CHRM3: variants seen among roughly 807,000 people sequenced by gnomAD.
CHRM3 encodes the protein cholinergic receptor muscarinic 3.
In CHRM3, 11 loss-of-function variants were observed where a neutral mutation model predicts 41.8. That is an observed-to-expected ratio of 0.26 (90% confidence interval 0.17 to 0.44). The LOEUF (loss-of-function observed/expected upper bound fraction) is 0.44, where lower values mean the gene tolerates loss of function less well. Ranked by LOEUF, CHRM3 falls within the 20% of genes least tolerant of loss-of-function variation. CHRM3 has a pLI of 1.00. For synonymous variants in CHRM3, 297 were observed against 301.4 expected (o/e 0.99, Z 0.15); for missense variants, 571 against 745.4 (o/e 0.77, Z 2.72).
intron 4 of CHRM3, among the ~76,000 whole-genome samples, chr1:239,664,617 C>T (rs1558433208): frequency 6.6e-6 from 1 of 152,148 alleles, no homozygotes; most frequent in African/African-American, 2.4e-5. Context: ...TGTGAGTCCC[C>T]TGCGGCCATA....
chr1:239,392,530 G>A (rs1445871464), intron 1 of CHRM3, among the ~76,000 whole-genome samples: 1 of 152,122 alleles, frequency 6.6e-6, no homozygotes, highest in Non-Finnish European at 1.5e-5. Flanking sequence ...CCTGGTTCAG[G>A]CAGGATATCC....
At chr1:239,594,418 C>T (rs1257394274) in intron 3 of CHRM3, among the ~76,000 whole-genome samples, 1 of 152,158 alleles carries the variant, frequency 6.6e-6, no homozygotes, top group East Asian at 1.9e-4. Flanking sequence ...TGTATCCATA[C>T]GACAATATCA....
chr1:239,506,068 C>T (rs1459447753), intron 2 of CHRM3, among the ~76,000 whole-genome samples: 2 of 152,020 alleles, frequency 1.3e-5, no homozygotes, highest in Non-Finnish European at 2.9e-5. Flanking sequence ...CTGTTAAAGG[C>T]ATTCAGTTTT....
chr1:239,426,474 A>G (rs1303049067), intron 1 of CHRM3, among the ~76,000 whole-genome samples: 1 of 149,322 alleles, frequency 6.7e-6, no homozygotes, highest in Non-Finnish European at 1.5e-5. Flanking sequence ...CCCGCAAAAA[A>G]AAAAAAAAAA....
chr1:239,685,983 A>G (rs77331496), intron 5 of CHRM3, among the ~76,000 whole-genome samples: 7,294 of 122,556 alleles, frequency 0.06, 637 homozygotes, highest in African/African-American at 0.2. Context: ...CAAAGACAAA[A>G]ACAAAAACAA....
rs895734990 is a variant in CHRM3 at position 239,748,593 on chromosome 1, A to C, written c.-147+70305A>C. Among the ~76,000 whole-genome samples the C allele has an allele frequency of 3.9e-5, 6 of 152,330 alleles. 1 individual carries two copies. The highest frequency in any genetic ancestry group is 6.8e-3 in the Middle Eastern group (2 of 294). ...TAGGTCAGAAAAATTTAAACTACGA[A>C]GTTATTAACCAGAATCAATTTGTGT... On this transcript the variant is annotated intron_variant, in intron 5 of 6. Coordinates refer to ENST00000676153, the MANE Select transcript of CHRM3 (RefSeq NM_001375978.1). The surrounding 1 kb of genome is among the most constrained non-coding windows in gnomAD (Gnocchi z 4.3).
chr1:239,725,975 C>T (rs1463664725), intron 5 of CHRM3, among the ~76,000 whole-genome samples: 1 of 151,870 alleles, frequency 6.6e-6, no homozygotes, highest in Admixed American at 6.6e-5. Flanking sequence ...TATATTATAG[C>T]ACAGAGATCA....
chr1:239,475,891 T>C (rs1347598395), intron 1 of CHRM3, among the ~76,000 whole-genome samples: 1 of 151,916 alleles, frequency 6.6e-6, no homozygotes, highest in Non-Finnish European at 1.5e-5. Context: ...TGCCATGGAG[T>C]GGATGGTGTG....
At chr1:239,450,536 CT>C (rs926029947) in intron 1 of CHRM3, among the ~76,000 whole-genome samples, 2 of 152,078 alleles carry the variant, frequency 1.3e-5, no homozygotes, top group East Asian at 1.9e-4. Flanking sequence ...AATAGCTCCT[CT>C]TTTTTTTGGC....
chr1:239,649,627 A>G (rs1323252600), intron 4 of CHRM3, among the ~76,000 whole-genome samples: 6 of 152,136 alleles, frequency 3.9e-5, no homozygotes, highest in African/African-American at 7.2e-5. Context: ...GTAAGCTAGG[A>G]GATATCAAAG....
chr1:239,808,222 G>T (rs1670817358), intron 5 of CHRM3, among the ~76,000 whole-genome samples: 1 of 152,136 alleles, frequency 6.6e-6, no homozygotes, highest in Non-Finnish European at 1.5e-5. Flanking sequence ...ACAAGTCGTA[G>T]CTGAAGTCAG....
At chr1:239,800,842 A>G (rs1670153647) in intron 5 of CHRM3, among the ~76,000 whole-genome samples, 1 of 152,244 alleles carries the variant, frequency 6.6e-6, no homozygotes, top group African/African-American at 2.4e-5. Context: ...AATACATTTG[A>G]TTAAAAAATG....
intron 4 of CHRM3, among the ~76,000 whole-genome samples, chr1:239,639,066 A>G (rs568336723): frequency 9.3e-4 from 142 of 151,994 alleles, no homozygotes; most frequent in African/African-American, 3.4e-3. Context: ...CAAAGATCAG[A>G]TAGTTGTAGA....
intron 4 of CHRM3, among the ~76,000 whole-genome samples, chr1:239,666,358 C>A (rs956350974): frequency 1.8e-4 from 16 of 86,756 alleles, no homozygotes; most frequent in African/African-American, 7.3e-4. Context: ...CCACACCCAG[C>A]AATTTTTTTT....
chr1:239,914,722 AGTTCATAAACATAGTTTTCT>A lies in CHRM3; in HGVS notation c.*5501_*5520del, dbSNP rs1377919420. On this transcript the variant is annotated 3_prime_UTR_variant, in exon 7 of 7. Coordinates refer to ENST00000676153, the MANE Select transcript of CHRM3 (RefSeq NM_001375978.1). ...AAAGAAGTATCTGGAGGGCCTGGAG[AGTTCATAAACATAGTTTTCT>A]GTGCAAGTGAAGATCTGTAGTTTGG... 6.0e-6 allele frequency: 1 copy of A among 167,054 alleles called. No homozygotes were observed. The highest frequency in any genetic ancestry group is 1.9e-4 in the East Asian group (1 of 5,202). 10.3% of individuals were successfully genotyped at this position (167,054 alleles called of 1,614,324 possible).
intron 1 of CHRM3, among the ~76,000 whole-genome samples, chr1:239,478,655 G>A (rs2147985597): frequency 6.6e-6 from 1 of 152,258 alleles, no homozygotes; most frequent in South Asian, 2.1e-4. Context: ...TTTAATAGTG[G>A]AATGGATGGA....
chr1:239,851,336 T>A (rs1674679660), intron 6 of CHRM3, among the ~76,000 whole-genome samples: 1 of 152,200 alleles, frequency 6.6e-6, no homozygotes, highest in Non-Finnish European at 1.5e-5. Flanking sequence ...TAAGAAAAGA[T>A]AATTTCTTTT....
intron 5 of CHRM3, among the ~76,000 whole-genome samples, chr1:239,718,409 A>T (rs1278569771): frequency 1.3e-5 from 2 of 152,060 alleles, no homozygotes; most frequent in Admixed American, 1.3e-4. Context: ...AGAGTCAGAT[A>T]CTGACTTCTG....
intron 2 of CHRM3, among the ~76,000 whole-genome samples, chr1:239,501,163 G>A (rs1487385437): frequency 1.3e-5 from 2 of 152,130 alleles, no homozygotes; most frequent in Non-Finnish European, 2.9e-5. Flanking sequence ...GAAATACACA[G>A]CAACACAGTA....
Sources: allele counts gnomAD v4.1 joint callset (sites outside exome capture counted in the v4.1 genomes callset), GRCh38; gene constraint gnomAD v4.1.1; non-coding constraint Gnocchi (gnomAD v3.1); transcripts MANE v1.5; gene names NCBI Gene and HGNC (gene_info 2026-07-23, HGNC 2026-07-21).